Variants in CDHR4 observed in about 807,000 individuals in gnomAD.
CDHR4 encodes the protein cadherin related family member 4, also known as cadherin-related family member 4.
Under a neutral mutation model 88.4 loss-of-function variants are expected in CDHR4, and 89 were observed. That is an observed-to-expected ratio of 1.01 (90% confidence interval 0.85 to 1.20). The LOEUF (loss-of-function observed/expected upper bound fraction) is 1.20. CDHR4 is among the 50% of genes most tolerant of loss of function. The probability of loss-of-function intolerance (pLI) is 0.00; values close to 1 mark genes in which losing one functional copy is unlikely to be tolerated. For synonymous variants in CDHR4, 368 were observed against 399.2 expected (o/e 0.92, Z 0.93); for missense variants, 914 against 1,007.2 (o/e 0.91, Z 1.25).
In CDHR4 at chr3:49,791,715, A is replaced by G. The variant is rs755391037; in HGVS notation, c.2282T>C (p.Leu761Pro). ...MSQAPSSVMS[L>P]HFDGRAQDSR... Reference sequence around the variant, plus strand: ...ACTTGAGATGGTGAGCTGACATACCAGACTCATGACACTGCTGGGTGCCTG... The same window carrying G: ...ACTTGAGATGGTGAGCTGACATACCGGACTCATGACACTGCTGGGTGCCTG... Residue 761 changes from leucine to proline, a missense_variant and splice_region_variant, in exon 17 of 19, where the codon CTG (leucine) becomes CCG (proline). Physicochemically the swap from Leu to Pro is moderately conservative, Grantham distance 98. Transcript: ENST00000412678. The G allele has an allele frequency of 3.7e-5, 58 of 1,551,518 alleles. No homozygotes were observed. Among genetic ancestry groups the G allele is most frequent in the Non-Finnish European group, 4.8e-5 (55 of 1,146,934 alleles).
upstream of CDHR4, chr3:49,799,955 C>G (rs191973285): frequency 1.4e-6 from 1 of 732,718 alleles, no homozygotes; most frequent in African/African-American, 1.8e-5. Flanking sequence ...CCACCCATCC[C>G]TGGTGACTGA....
chr3:49,798,663 G>GA (rs2081310760), intron 4 of CDHR4, 163 bp downstream of exon 4: 10 of 643,446 alleles, frequency 1.6e-5, no homozygotes, highest in Non-Finnish European at 2.7e-5. Context: ...GGAGTGAGCA[G>GA]CCCTCAGCAG....
Position 49,799,774 on chromosome 3 carries a change from C to G in CDHR4, c.39G>C (p.Pro13=). ...LLRLLVFLFA[P]VVSDLCSLPC... ...CCACCACCTCCTCACCAGAGACCAC[C>G]GGAGCAAAGAGGAACACGAGGAGCC... The change falls in exon 1 of 19, where the codon CCG becomes CCC. Residue 13 remains proline (P), a synonymous_variant. Coordinates refer to ENST00000412678, the MANE Select transcript of CDHR4 (RefSeq NM_001007540.4). 6.2e-7 allele frequency: 1 copy of G among 1,613,910 alleles called. No homozygotes were observed. Among genetic ancestry groups the G allele is most frequent in the Non-Finnish European group, 8.5e-7 (1 of 1,179,842 alleles).
chr3:49,792,435 G>A, intron 15 of CDHR4, 33 bp downstream of exon 15: 1 of 1,550,090 alleles, frequency 6.5e-7, no homozygotes, highest in Non-Finnish European at 8.7e-7. Flanking sequence ...GTGGGTTGGG[G>A]GCAAGTAGGG....
intron 18 of CDHR4, 32 bp downstream of exon 18, chr3:49,791,409 G>A: frequency 1.3e-6 from 2 of 1,535,312 alleles, no homozygotes; most frequent in Non-Finnish European, 1.8e-6. Context: ...GAGGGCCCAG[G>A]CAGAGAATAG....
intron 10 of CDHR4, 51 bp from the exon 11 acceptor site, chr3:49,794,057 AC>A (rs1372513372): frequency 1.3e-6 from 2 of 1,523,330 alleles, no homozygotes; most frequent in Non-Finnish European, 1.8e-6. Flanking sequence ...CTATCCCTGA[AC>A]TGGGGGTCTG....
At chr3:49,797,060 C>T in intron 4 of CDHR4, 28 bp from the exon 5 acceptor site, 2 of 1,541,598 alleles carry the variant, frequency 1.3e-6, no homozygotes, top group African/African-American at 1.4e-5. Context: ...CTGGCAACCA[C>T]ATTCAGCCCC....
At position 49,795,955 on chromosome 3, in the gene CDHR4, T is replaced by C. The variant is rs1466892079; in HGVS notation, c.698A>G (p.Gln233Arg). 2 of 1,541,968 alleles carry C rather than the reference T, an allele frequency of 1.3e-6. No homozygotes were observed. Among genetic ancestry groups the C allele is most frequent in the South Asian group, 2.4e-5 (2 of 82,294 alleles). The change falls in exon 6 of 19, where the codon CAG becomes CGG. Residue 233 changes from glutamine (Q) to arginine (R), a missense_variant. Physicochemically the swap from Gln to Arg is conservative, Grantham distance 43 (BLOSUM62 1). Coordinates refer to ENST00000412678, the MANE Select transcript of CDHR4 (RefSeq NM_001007540.4). This position sits in a 1 kb window ranked among gnomAD's most constrained non-coding sequence, Gnocchi z 5.4. Reference protein sequence around the residue: ...IVKVLPVPSSQVSFLEQAQNI... With the variant: ...IVKVLPVPSSRVSFLEQAQNI... ...AGGGGAGCCTTACAGGAAGGAGACCTGGCTGGAGGGAACAGGCAAAACCTT... is the reference window on the plus strand; with the variant it reads ...AGGGGAGCCTTACAGGAAGGAGACCCGGCTGGAGGGAACAGGCAAAACCTT...
In CDHR4 at chr3:49,796,066, G is replaced by GA. The variant is rs1487196142; in HGVS notation, c.607-21dup. ...GAAGACCTGTGGTGCACCCAGAACA[G>GA]AAAAGGAGCCAGATTGTGTGTGTCC... On this transcript the variant is annotated intron_variant, in intron 5 of 18. Coordinates refer to ENST00000412678, the MANE Select transcript of CDHR4 (RefSeq NM_001007540.4). 5 of 1,482,040 alleles carry GA rather than the reference G, an allele frequency of 3.4e-6. No individual in the cohort carries two copies. Among genetic ancestry groups the GA allele is most frequent in the Non-Finnish European group, 4.5e-6 (5 of 1,114,198 alleles). 91.8% of individuals were successfully genotyped at this position (1,482,040 alleles called of 1,614,324 possible).
At chr3:49,792,328 G>T in intron 15 of CDHR4, 140 bp downstream of exon 15, 2 of 1,070,280 alleles carry the variant, frequency 1.9e-6, no homozygotes, top group Non-Finnish European at 2.7e-6. Context: ...ACCTCTGGAG[G>T]GAGAGTAGCC....
At position 49,790,735 on chromosome 3, in the gene CDHR4, T is replaced by C. The variant is rs2081163955; in HGVS notation, c.*97A>G. The C allele has an allele frequency of 8.8e-7, 1 of 1,141,900 alleles. No homozygotes were observed. Among genetic ancestry groups the C allele is most frequent in the Middle Eastern group, 2.1e-4 (1 of 4,802 alleles). The allele number at this position is 1,141,900 out of a possible 1,614,324, so 70.7% of individuals were successfully genotyped here. A position where few individuals can be genotyped will look rare whatever the true frequency, so the allele number is the denominator to read the frequency against. On this transcript the variant is annotated 3_prime_UTR_variant, in exon 19 of 19. Transcript: ENST00000412678. The stretch of plus-strand genomic sequence containing the variant: ...ACGTTGGCTACAAGGCTAGAACTTT[T>C]CTTTTTGTAATTTTGTTTATTATGA...
In CDHR4 at chr3:49,790,736, C is replaced by G. The variant is rs114424909; in HGVS notation, c.*96G>C. The G allele has an allele frequency of 0.018, 20,980 of 1,153,750 alleles. 243 individuals carry two copies. Among genetic ancestry groups the G allele is most frequent in the Non-Finnish European group, 0.022 (18,279 of 819,028 alleles). The allele number at this position is 1,153,750 out of a possible 1,614,324, so 71.5% of individuals were successfully genotyped here. A position where few individuals can be genotyped will look rare whatever the true frequency, so the allele number is the denominator to read the frequency against. On this transcript the variant is annotated 3_prime_UTR_variant, in exon 19 of 19. Transcript: ENST00000412678. ...CGTTGGCTACAAGGCTAGAACTTTT[C>G]TTTTTGTAATTTTGTTTATTATGAA...
rs1461354334 is a variant in CDHR4, at chr3:49,799,076, G to A, written c.321C>T (p.Asn107=). Reference sequence around the variant, plus strand: ...CAGAGAGTGAGCCCTCCATCACATGGTTGCCACATGTGAACTTCAGCTGCA... The same window carrying A: ...CAGAGAGTGAGCCCTCCATCACATGATTGCCACATGTGAACTTCAGCTGCA... The part of the protein sequence containing the change: ...YKVQLKFTCG[N]HVMEGSLSVD... Residue 107 remains asparagine, a synonymous_variant, in exon 3 of 19, where the codon AAC becomes AAT. Coordinates refer to ENST00000412678, the MANE Select transcript of CDHR4 (RefSeq NM_001007540.4). The A allele has an allele frequency of 6.3e-7, 1 of 1,582,622 alleles. No individual in the cohort carries two copies. The highest frequency in any genetic ancestry group is 8.6e-7 in the Non-Finnish European group (1 of 1,164,138).
chr3:49,791,415 A>G, intron 18 of CDHR4, 26 bp downstream of exon 18: 1 of 1,535,294 alleles, frequency 6.5e-7, no homozygotes, highest in Non-Finnish European at 8.8e-7. Flanking sequence ...CCAGGCAGAG[A>G]ATAGCTTAGG....
Position 49,799,033 on chromosome 3 carries a change from G to A in CDHR4, c.364C>T (p.Leu122Phe). Reference sequence around the variant, plus strand: ...TGACCAGCACACTGGATATGGCTAAGGTCCCGCTGCACATCCACAGAGAGT... The same window carrying A: ...TGACCAGCACACTGGATATGGCTAAAGTCCCGCTGCACATCCACAGAGAGT... The part of the protein sequence containing the change: ...GSLSVDVQRD[L>F]SHIQCAGQFA... The change falls in exon 3 of 19, where the codon CTT becomes TTT. Residue 122 changes from leucine (L) to phenylalanine (F), a missense_variant. Physicochemically the swap from Leu to Phe is conservative, Grantham distance 22. Coordinates refer to ENST00000412678, the MANE Select transcript of CDHR4 (RefSeq NM_001007540.4). 2 of 1,603,822 alleles carry A rather than the reference G, an allele frequency of 1.2e-6. No individual in the cohort carries two copies. Among genetic ancestry groups the A allele is most frequent in the South Asian group, 2.2e-5 (2 of 89,208 alleles).
rs2081260328 is a variant in CDHR4, at chr3:49,795,696, G to A, written c.779C>T (p.Ala260Val). ...APGSEVVQVQ[A>V]RGVDLRYEIL... ...TTCATAGCGCAGGTCGACACCCCGG[G>A]CCTGGACCTGAACCACCTCACTACC... Residue 260 changes from alanine to valine, a missense_variant, in exon 7 of 19, where the codon GCC becomes GTC. Ala to Val is a moderately conservative substitution (Grantham distance 64). Coordinates refer to ENST00000412678, the MANE Select transcript of CDHR4 (RefSeq NM_001007540.4). This position sits in a 1 kb window ranked among gnomAD's most constrained non-coding sequence, Gnocchi z 5.4. 5 of 1,551,556 alleles carry A rather than the reference G, an allele frequency of 3.2e-6. No individual in the cohort carries two copies. The South Asian group carries it at 4.8e-5, about 15-fold the overall frequency.
rs1559721915 is a variant in CDHR4, at chr3:49,790,861, T to C, written c.2338A>G (p.Thr780Ala). 6.4e-7 allele frequency: 1 copy of C among 1,551,434 alleles called. No homozygotes were observed. Among genetic ancestry groups the C allele is most frequent in the East Asian group, 2.4e-5 (1 of 40,928 alleles). The change falls in exon 19 of 19, where the codon ACA (threonine) becomes GCA (alanine). Residue 780 changes from threonine (T) to alanine (A), a missense_variant. Coordinates refer to ENST00000412678, the MANE Select transcript of CDHR4 (RefSeq NM_001007540.4). ...SRTGRDYLFN[T>A]HTGARRWL ...AGCCAGCGCCGGGCTCCTGTGTGTG[T>C]GTTAAACAGGTAGTCTCTTCCGGTA...
At chr3:49,792,030 C>G (rs2081187361) in intron 15 of CDHR4, 71 bp from the exon 16 acceptor site, 2 of 1,433,970 alleles carry the variant, frequency 1.4e-6, no homozygotes, top group Non-Finnish European at 1.9e-6. Flanking sequence ...CAGCACCATT[C>G]ACCCATTCCT....
Position 49,792,845 on chromosome 3 carries a change from C to G in CDHR4, c.1995+9G>C, listed in dbSNP as rs868083022. Reference sequence around the variant, plus strand: ...CCCACCCTGCTGAGGGCCCAAGGAGCCTCCTCACTGTGGTTCTGTGGGTGC... The same window carrying G: ...CCCACCCTGCTGAGGGCCCAAGGAGGCTCCTCACTGTGGTTCTGTGGGTGC... On this transcript the variant is annotated intron_variant, in intron 14 of 18. Transcript: ENST00000412678. 1.6e-5 allele frequency: 25 copies of G among 1,525,460 alleles called. 1 individual carries two copies. The highest frequency in any genetic ancestry group is 1.8e-4 in the Middle Eastern group (1 of 5,414). The allele number at this position is 1,525,460 out of a possible 1,614,324, so 94.5% of individuals were successfully genotyped here.
Sources: gnomAD v4.1 joint callset for allele counts on GRCh38, gnomAD v4.1.1 for gene constraint, Gnocchi (gnomAD v3.1) non-coding constraint, MANE v1.5 for transcripts, NCBI Gene and HGNC (gene_info 2026-07-23, HGNC 2026-07-21) for gene names.